The following PPP3CA variants were observed in gnomAD, a reference collection of about 807,000 sequenced individuals.
PPP3CA encodes protein phosphatase 3 catalytic subunit alpha, also known as CAM-PRP catalytic subunit.
Under a neutral mutation model 66.5 loss-of-function variants are expected in PPP3CA, and 14 were observed. The ratio of observed to expected loss-of-function variants is 0.21; its 90% CI spans 0.14 to 0.33. PPP3CA has a LOEUF of 0.33. Among genes scored for constraint, PPP3CA ranks in the 10% least tolerant of loss-of-function variants. The probability of loss-of-function intolerance (pLI) is 1.00; values close to 1 mark genes in which losing one functional copy is unlikely to be tolerated. For synonymous variants in PPP3CA, 232 were observed against 226.2 expected, an observed-to-expected ratio of 1.03 and a Z score of -0.23; for missense variants, 317 against 639.5, an observed-to-expected ratio of 0.50 and a Z score of 5.44.
At chr4:101,107,703 G>A (rs1287436947) in intron 3 of PPP3CA, among the ~76,000 whole-genome samples, 1 of 152,114 alleles carries the variant, frequency 6.6e-6, no homozygotes, top group Non-Finnish European at 1.5e-5. Flanking sequence ...TGATATAATT[G>A]TATAAACAAA....
chr4:101,091,821 C>A (rs1052196390), intron 6 of PPP3CA, among the ~76,000 whole-genome samples: 4 of 138,830 alleles, frequency 2.9e-5, no homozygotes, highest in Non-Finnish European at 6.2e-5. Context: ...TCTTCAGTAT[C>A]TAATAATAAT....
At position 101,029,181 on chromosome 4, in the gene PPP3CA, T is replaced by C. The variant is rs749840124; in HGVS notation, c.1354A>G (p.Ile452Val). Residue 452 changes from isoleucine to valine, a missense_variant, in exon 13 of 14, where the codon ATT becomes GTT. Physicochemically the swap from Ile to Val is conservative, Grantham distance 29. Around this residue, in one of 3 missense-constraint regions of PPP3CA, gnomAD observed 201 missense variants for 501.4 expected, o/e 0.40. Transcript: ENST00000394854. The part of the protein sequence containing the change: ...QTLQSATVEA[I>V]EADEAIKGFS... ...GCCAATTTACCTTCATCAGCCTCAA[T>C]AGCCTCAACAGTAGCTGAAGAGAAG... The C allele has an allele frequency of 1.4e-5, 23 of 1,607,530 alleles. No homozygotes were observed. The highest frequency in any genetic ancestry group is 2.2e-5 in the East Asian group (1 of 44,796).
At chr4:101,324,892 T>C (rs1396901504) in intron 1 of PPP3CA, among the ~76,000 whole-genome samples, 1 of 152,222 alleles carries the variant, frequency 6.6e-6, no homozygotes, top group South Asian at 2.1e-4. Context: ...TTTCAATATA[T>C]GATTTACAAG....
At chr4:101,245,194 T>C (rs1165428773) in intron 1 of PPP3CA, among the ~76,000 whole-genome samples, 2 of 152,118 alleles carry the variant, frequency 1.3e-5, no homozygotes, top group African/African-American at 4.8e-5. Context: ...ATTTCCAACA[T>C]GGAACTGCTG....
intron 3 of PPP3CA, among the ~76,000 whole-genome samples, chr4:101,106,850 C>T (rs544764500): frequency 7.2e-5 from 11 of 152,320 alleles, no homozygotes; most frequent in African/African-American, 2.6e-4. Flanking sequence ...AGCAAGAAAG[C>T]AGATGGAGCC....
chr4:101,052,564 T>C (rs1728058738), intron 10 of PPP3CA, among the ~76,000 whole-genome samples: 1 of 150,932 alleles, frequency 6.6e-6, no homozygotes, highest in Non-Finnish European at 1.5e-5. Flanking sequence ...ATTAGGCAAC[T>C]GAAAACAAAC....
intron 2 of PPP3CA, among the ~76,000 whole-genome samples, chr4:101,178,731 A>G (rs910415126): frequency 6.6e-6 from 1 of 152,142 alleles, no homozygotes; most frequent in African/African-American, 2.4e-5. Flanking sequence ...CTTTCTAGAA[A>G]TAAGCATTTA....
At chr4:101,029,106 T>A (rs1726800514) in intron 13 of PPP3CA, 60 bp downstream of exon 13, 6 of 1,495,140 alleles carry the variant, frequency 4.0e-6, no homozygotes, top group Non-Finnish European at 5.6e-6. Flanking sequence ...AAAAAATGAA[T>A]ACACCCAGCA....
intron 1 of PPP3CA, among the ~76,000 whole-genome samples, chr4:101,263,685 G>A (rs980462035): frequency 5.9e-5 from 9 of 151,490 alleles, no homozygotes; most frequent in Admixed American, 2.0e-4. Flanking sequence ...CCAGAGTGCC[G>A]TGCTGACCAC....
At chr4:101,114,444 G>T (rs1208126792) in intron 2 of PPP3CA, among the ~76,000 whole-genome samples, 1 of 152,046 alleles carries the variant, frequency 6.6e-6, no homozygotes, top group Non-Finnish European at 1.5e-5. Context: ...AGAACTATCA[G>T]ATACACTGAG....
intron 1 of PPP3CA, among the ~76,000 whole-genome samples, chr4:101,320,288 T>C (rs541208355): frequency 6.6e-6 from 1 of 152,166 alleles, no homozygotes; most frequent in African/African-American, 2.4e-5. Flanking sequence ...GCATTCCCTA[T>C]AAGCTGCCCA....
At chr4:101,071,678 A>G (rs6851200) in intron 8 of PPP3CA, among the ~76,000 whole-genome samples, 2,096 of 152,308 alleles carry the variant, frequency 0.014, 53 homozygotes, top group African/African-American at 0.048. Flanking sequence ...AGGATTCAGC[A>G]TTGACTCCTC....
intron 1 of PPP3CA, among the ~76,000 whole-genome samples, chr4:101,298,124 A>G (rs934206001): frequency 6.6e-6 from 1 of 151,988 alleles, no homozygotes; most frequent in South Asian, 2.1e-4. Context: ...TATTTCTCCT[A>G]TATATATCCT....
At chr4:101,269,621 C>T (rs564069017) in intron 1 of PPP3CA, among the ~76,000 whole-genome samples, 1 of 148,232 alleles carries the variant, frequency 6.7e-6, no homozygotes, top group Non-Finnish European at 1.5e-5. Flanking sequence ...TATGTATCCC[C>T]AGAACCTGGA....
chr4:101,095,825 T>G (rs1259338010), intron 5 of PPP3CA, among the ~76,000 whole-genome samples: 1 of 152,054 alleles, frequency 6.6e-6, no homozygotes, highest in East Asian at 1.9e-4. Flanking sequence ...CTAATTTTTG[T>G]ATTTTCAGTA....
intron 2 of PPP3CA, among the ~76,000 whole-genome samples, chr4:101,161,622 T>C (rs1723511814): frequency 6.6e-6 from 1 of 152,162 alleles, no homozygotes; most frequent in Non-Finnish European, 1.5e-5. Context: ...CGGTTGGCAA[T>C]TAGGATTTTA....
At chr4:101,324,657 A>G (rs1729156176) in intron 1 of PPP3CA, among the ~76,000 whole-genome samples, 1 of 152,058 alleles carries the variant, frequency 6.6e-6, no homozygotes, top group Admixed American at 6.6e-5. Context: ...TGCCTCCCTC[A>G]GTGTAACTCT....
chr4:101,089,800 T>C (rs1729833175), intron 6 of PPP3CA, among the ~76,000 whole-genome samples: 1 of 152,176 alleles, frequency 6.6e-6, no homozygotes, highest in African/African-American at 2.4e-5. Flanking sequence ...CTAAAGATAA[T>C]GGTACATTGG....
At chr4:101,222,439 T>C (rs1318886270) in intron 1 of PPP3CA, among the ~76,000 whole-genome samples, 2 of 151,648 alleles carry the variant, frequency 1.3e-5, no homozygotes, top group African/African-American at 2.4e-5. Context: ...TTTTTAGCCA[T>C]TGTTTTTTTC....
Sources: allele counts gnomAD v4.1 joint callset (sites outside exome capture counted in the v4.1 genomes callset), GRCh38; gene constraint gnomAD v4.1.1; regional missense constraint gnomAD v4.1.1; transcripts MANE v1.5; gene names NCBI Gene and HGNC (gene_info 2026-07-23, HGNC 2026-07-21).